Variants in DENND3 observed in about 807,000 individuals in gnomAD.
The protein encoded by DENND3 is DENN domain-containing protein 3.
DENND3 carries 88 observed loss-of-function variants against 135.1 expected under a neutral mutation model. That is an observed-to-expected ratio of 0.65 (90% confidence interval 0.55 to 0.78). The LOEUF (loss-of-function observed/expected upper bound fraction) is 0.78, where lower values mean the gene tolerates loss of function less well. Among genes scored for constraint, DENND3 ranks in the 30% least tolerant of loss-of-function variants. The probability of loss-of-function intolerance (pLI) is 0.00; values close to 1 mark genes in which losing one functional copy is unlikely to be tolerated. For synonymous variants in DENND3, 693 were observed against 712.3 expected, an observed-to-expected ratio of 0.97 and a Z score of 0.43; for missense variants, 1,392 against 1,688.4, an observed-to-expected ratio of 0.82 and a Z score of 3.08.
chr8:141,172,596 G>A (rs999401280), intron 13 of DENND3, among the ~76,000 whole-genome samples: 1 of 152,200 alleles, frequency 6.6e-6, no homozygotes, highest in Non-Finnish European at 1.5e-5. Context: ...CATGGCTGGG[G>A]CTCCACACTC....
Position 141,163,390 on chromosome 8 carries a change from C to G in DENND3, c.1410C>G (p.Leu470=). 1 of 1,613,362 alleles carries G rather than the reference C, an allele frequency of 6.2e-7. No homozygotes were observed. Among genetic ancestry groups the G allele is most frequent in the Non-Finnish European group, 8.5e-7 (1 of 1,179,360 alleles). The change falls in exon 10 of 23, where the codon CTC becomes CTG. Residue 470 remains leucine (L), a synonymous_variant. Coordinates refer to ENST00000519811, the MANE Select transcript of DENND3 (RefSeq NM_001352890.3). ...GAGTCTTTAATAGTGAAGAATTTCT[C>G]AAAACCAGGGCTCCAGGGGACCATC... is the stretch of plus-strand genomic sequence containing the variant. ...EHRVFNSEEF[L]KTRAPGDHQF... is the part of the protein sequence containing the mutation.
chr8:141,159,487 G>C (rs149429780), intron 8 of DENND3, among the ~76,000 whole-genome samples: 1 of 152,190 alleles, frequency 6.6e-6, no homozygotes, highest in Admixed American at 6.5e-5. Flanking sequence ...TCTGACTGCC[G>C]TGTCTCTCTA....
chr8:141,181,150 G>A lies in DENND3; in HGVS notation c.2944+296G>A, dbSNP rs192584175. On this transcript the variant is annotated intron_variant, in intron 17 of 22. Transcript: ENST00000519811. ...CCGTCCCTCACCTTCTAGAGCAGTC[G>A]ACGGTCACGCTAGCTCTTTCTTTTT... is the stretch of plus-strand genomic sequence containing the variant. Among the ~76,000 whole-genome samples the A allele has an allele frequency of 1.4e-4, 22 of 152,296 alleles. No individual in the cohort carries two copies. In the East Asian group the frequency reaches 3.5e-3, roughly 24 times the overall value.
chr8:141,179,016 C>T (rs767288639), intron 16 of DENND3, among the ~76,000 whole-genome samples: 11 of 152,260 alleles, frequency 7.2e-5, no homozygotes, highest in Admixed American at 2.0e-4. Context: ...TTCCCTTGGG[C>T]GTAGATCTAG....
Position 141,146,872 on chromosome 8 carries a change from T to G in DENND3, c.735+2613T>G, listed in dbSNP as rs1327456451. 6.6e-6 allele frequency among the ~76,000 whole-genome samples: 1 copy of G among 152,248 alleles called. No homozygotes were observed. The highest frequency in any genetic ancestry group is 2.4e-5 in the African/African-American group (1 of 41,466). ...GTGAAATCATCAAAGTTTATGTTCT[T>G]GTTCTGTAAACGCAGCAAGTATTTA... On this transcript the variant is annotated intron_variant, in intron 5 of 22. Coordinates refer to ENST00000519811, the MANE Select transcript of DENND3 (RefSeq NM_001352890.3). This position sits in a 1 kb window ranked among gnomAD's most constrained non-coding sequence, Gnocchi z 4.3.
At position 141,128,782 on chromosome 8, in the gene DENND3, C is replaced by T; in HGVS notation, c.75C>T (p.Pro25=). 3 of 1,462,102 alleles carry T rather than the reference C, an allele frequency of 2.1e-6. No homozygotes were observed. The highest frequency in any genetic ancestry group is 5.9e-5 in the East Asian group (2 of 33,968). The allele number at this position is 1,462,102 out of a possible 1,614,324, so 90.6% of individuals were successfully genotyped here. ...LLELCALLGA[P]RDSLRSLEQV... ...AGCTCTGCGCGCTGCTGGGCGCCCCCCGGGACAGTCTCCGAAGTCTCGAGC... is the reference window on the plus strand; with the variant it reads ...AGCTCTGCGCGCTGCTGGGCGCCCCTCGGGACAGTCTCCGAAGTCTCGAGC... The change falls in exon 1 of 23, where the codon CCC becomes CCT. Residue 25 remains proline, a synonymous_variant. Coordinates refer to ENST00000519811, the MANE Select transcript of DENND3 (RefSeq NM_001352890.3). This position sits in a 1 kb window ranked among gnomAD's most constrained non-coding sequence, Gnocchi z 4.5.
chr8:141,166,168 G>A lies in DENND3; in HGVS notation c.1554-22G>A, dbSNP rs375524148. 1.7e-5 allele frequency: 28 copies of A among 1,610,210 alleles called. 1 individual carries two copies. The highest frequency in any genetic ancestry group is 1.9e-5 in the Non-Finnish European group (22 of 1,176,570). ...ATCATTATTGTGTCTATAAACTAAC[G>A]CGTTGCTTTTTCGTACCCCAGAATA... is the stretch of plus-strand genomic sequence containing the variant. On this transcript the variant is annotated intron_variant, in intron 11 of 22. Coordinates refer to ENST00000519811, the MANE Select transcript of DENND3 (RefSeq NM_001352890.3). The surrounding 1 kb of genome is among the most constrained non-coding windows in gnomAD (Gnocchi z 4.3).
At position 141,189,103 on chromosome 8, in the gene DENND3, A is replaced by G. The variant is rs772990100; in HGVS notation, c.3202A>G (p.Ser1068Gly). The G allele has an allele frequency of 4.7e-5, 76 of 1,614,082 alleles. No individual in the cohort carries two copies. Among genetic ancestry groups the G allele is most frequent in the Non-Finnish European group, 6.4e-5 (75 of 1,180,028 alleles). The change falls in exon 19 of 23, where the codon AGT (serine) becomes GGT (glycine). Residue 1068 changes from serine (S) to glycine (G), a missense_variant. Transcript: ENST00000519811. ...CAAGCAGCTCACAGCCCACTGCTCC[A>G]GTGTCACGGATTTGATTGTGCAGGA... ...CNKQLTAHCS[S>G]VTDLIVQDGQ...
chr8:141,188,869 C>A, intron 18 of DENND3, 117 bp from the exon 19 acceptor site: 3 of 1,373,790 alleles, frequency 2.2e-6, no homozygotes, highest in Non-Finnish European at 9.8e-7. Flanking sequence ...GCCGGCGTGT[C>A]CCCTAGGAGC....
rs936431278 is a variant in DENND3, at chr8:141,166,640, C to T, written c.1753+251C>T. On this transcript the variant is annotated intron_variant, in intron 12 of 22. Coordinates refer to ENST00000519811, the MANE Select transcript of DENND3 (RefSeq NM_001352890.3). The surrounding 1 kb of genome is among the most constrained non-coding windows in gnomAD (Gnocchi z 4.3). ...GGGCTCGGCATGGTTCGGCATCCTT[C>T]ACAGGTGTAGGCTGTGCCTGTCTCT... Among the ~76,000 whole-genome samples, 1 of 152,254 alleles carries T rather than the reference C, an allele frequency of 6.6e-6. No individual in the cohort carries two copies. The highest frequency in any genetic ancestry group is 2.4e-5 in the African/African-American group (1 of 41,466).
At chr8:141,142,593 A>G (rs565393791) in intron 4 of DENND3, 1 of 335,954 alleles carries the variant, frequency 3.0e-6, no homozygotes, top group Non-Finnish European at 5.8e-6. Context: ...GACATAAAAT[A>G]TCGTTGAGAA....
rs1817256501 is a variant in DENND3, at chr8:141,139,946, CA to C, written c.502-1256del. Among the ~76,000 whole-genome samples the C allele has an allele frequency of 6.6e-6, 1 of 151,192 alleles. No individual in the cohort carries two copies. The highest frequency in any genetic ancestry group is 1.5e-5 in the Non-Finnish European group (1 of 67,912). On this transcript the variant is annotated intron_variant, in intron 3 of 22. Coordinates refer to ENST00000519811, the MANE Select transcript of DENND3 (RefSeq NM_001352890.3). The surrounding 1 kb of genome is among the most constrained non-coding windows in gnomAD (Gnocchi z 4.2). Reference sequence around the variant, plus strand: ...TTTTTTTGAGACAGTCTCGCTGTGTCACCCAGGCTTTAGTGCAGCGGTGTGA... The same window carrying C: ...TTTTTTTGAGACAGTCTCGCTGTGTCCCCAGGCTTTAGTGCAGCGGTGTGA...
chr8:141,157,545 G>C, intron 8 of DENND3: 1 of 985,902 alleles, frequency 1.0e-6, no homozygotes, highest in African/African-American at 1.7e-5. Flanking sequence ...GGCTGTACTT[G>C]CTTCTGGTGA....
intron 9 of DENND3, 24 bp from the exon 10 acceptor site, chr8:141,163,309 T>C: frequency 6.9e-7 from 1 of 1,451,706 alleles, no homozygotes; most frequent in South Asian, 1.2e-5. Flanking sequence ...GTTTTAGCAC[T>C]CAGACTCTCT....
rs1819195039 is a variant in DENND3 at position 141,154,455 on chromosome 8, C to T, written c.1075-1394C>T. Among the ~76,000 whole-genome samples the T allele has an allele frequency of 1.3e-5, 2 of 152,216 alleles. No homozygotes were observed. Among genetic ancestry groups the T allele is most frequent in the African/African-American group, 4.8e-5 (2 of 41,462 alleles). ...ATGTTGGAGGTTGGTGGTGCCCTCA[C>T]TGGAGTTCTGGAATGCTCCCTCCAA... is the stretch of plus-strand genomic sequence containing the variant. On this transcript the variant is annotated intron_variant, in intron 7 of 22. Coordinates refer to ENST00000519811, the MANE Select transcript of DENND3 (RefSeq NM_001352890.3). This position sits in a 1 kb window ranked among gnomAD's most constrained non-coding sequence, Gnocchi z 4.4.
At position 141,190,413 on chromosome 8, in the gene DENND3, G is replaced by A. The variant is rs1199764567; in HGVS notation, c.3375G>A (p.Trp1125Ter). 6.2e-7 allele frequency: 1 copy of A among 1,607,832 alleles called. No homozygotes were observed. The change falls in exon 20 of 23, where the codon TGG becomes TGA. Residue 1125 changes from tryptophan to a stop codon, truncating the protein, a stop_gained. Coordinates refer to ENST00000519811, the MANE Select transcript of DENND3 (RefSeq NM_001352890.3). LOFTEE classifies it high-confidence loss of function. ...TSIRLHGGRLWCCTGNSIMVM... is the reference protein window; with the variant it reads ...TSIRLHGGRL ...TCAGACTGCACGGCGGCCGCCTGTG[G>A]TGCTGTAAGTCCGGCCCCTGCCATC...
intron 17 of DENND3, among the ~76,000 whole-genome samples, chr8:141,183,724 G>GTTTTTTTTT: frequency 7.0e-6 from 1 of 143,508 alleles, no homozygotes; most frequent in South Asian, 2.1e-4. Context: ...GACACTGTCA[G>GTTTTTTTTT]TTTTTTGTTT....
At chr8:141,192,183 C>A in intron 20 of DENND3, 148 bp from the exon 21 acceptor site, 2 of 1,064,292 alleles carry the variant, frequency 1.9e-6, no homozygotes, top group South Asian at 1.7e-5. Flanking sequence ...CCCAGTAGAC[C>A]TCACCTGTGC....
chr8:141,184,273 G>A (rs538075787), intron 17 of DENND3, among the ~76,000 whole-genome samples: 2 of 152,246 alleles, frequency 1.3e-5, no homozygotes, highest in African/African-American at 2.4e-5. Context: ...TATGTCATAC[G>A]TAATTTATGA....
Sources: gnomAD v4.1 joint callset for allele counts (sites outside exome capture counted in the v4.1 genomes callset) on GRCh38, gnomAD v4.1.1 for gene constraint, Gnocchi (gnomAD v3.1) non-coding constraint, MANE v1.5 for transcripts, NCBI Gene and HGNC (gene_info 2026-07-23, HGNC 2026-07-21) for gene names.